XRCC5: variants seen among roughly 807,000 people sequenced by gnomAD.
XRCC5 encodes the protein DNA repair protein Ku80.
A neutral mutation model predicts 95.7 loss-of-function variants in XRCC5; 12 were observed. That is an observed-to-expected ratio of 0.13 (90% CI 0.08 to 0.20). The LOEUF is 0.20. Ranked by LOEUF, XRCC5 falls within the 10% of genes least tolerant of loss-of-function variation. The probability of loss-of-function intolerance (pLI) is 1.00; values close to 1 mark genes in which losing one functional copy is unlikely to be tolerated. For missense variants in XRCC5, 595 were observed against 873.9 expected (o/e 0.68, Z 4.02); for synonymous variants, 281 against 290.3 (o/e 0.97, Z 0.33).
chr2:216,113,983 TAA>T (rs41296938), intron 2 of XRCC5, among the ~76,000 whole-genome samples: 2,858 of 152,250 alleles, frequency 0.019, 39 homozygotes, highest in Non-Finnish European at 0.032. Flanking sequence ...CCTCTCTTGA[TAA>T]AAAGAGTAGC....
At chr2:216,149,025 T>C (rs1429192426) in intron 14 of XRCC5, among the ~76,000 whole-genome samples, 1 of 152,232 alleles carries the variant, frequency 6.6e-6, no homozygotes, top group African/African-American at 2.4e-5. Context: ...CAAGCTGGAA[T>C]AATCTATACA....
intron 16 of XRCC5, among the ~76,000 whole-genome samples, chr2:216,179,628 A>T (rs1553577683): frequency 6.6e-6 from 1 of 152,188 alleles, no homozygotes; most frequent in Non-Finnish European, 1.5e-5. Context: ...TTGCAGACAG[A>T]GGGAGCAGCA....
At position 216,177,477 on chromosome 2, in the gene XRCC5, C is replaced by G. The variant is rs371564964; in HGVS notation, c.1835-12748C>G. ...GGCATTTTAGGAAAAATAAACTTAGCTATGTGTGCTGCAAGACTGTATGTG... is the reference window on the plus strand; with the variant it reads ...GGCATTTTAGGAAAAATAAACTTAGGTATGTGTGCTGCAAGACTGTATGTG... On this transcript the variant is annotated intron_variant, in intron 16 of 20. Transcript: ENST00000392132. Among the ~76,000 whole-genome samples, 47 of 152,218 alleles carry G rather than the reference C, an allele frequency of 3.1e-4. 1 individual carries two copies. In the South Asian group the frequency reaches 9.5e-3, roughly 31 times the overall value.
At chr2:216,148,670 G>C (rs1001083541) in intron 14 of XRCC5, among the ~76,000 whole-genome samples, 1 of 152,138 alleles carries the variant, frequency 6.6e-6, no homozygotes, top group African/African-American at 2.4e-5. Flanking sequence ...ATTAGATGTT[G>C]GGGATGTCAA....
intron 14 of XRCC5, chr2:216,156,449 G>T (rs747181237): frequency 7.0e-6 from 5 of 713,706 alleles, no homozygotes; most frequent in Non-Finnish European, 1.3e-5. Flanking sequence ...AGTCTCTATC[G>T]TACAGCACTG....
chr2:216,138,984 G>C (rs1046199251), intron 12 of XRCC5, among the ~76,000 whole-genome samples: 4 of 152,228 alleles, frequency 2.6e-5, no homozygotes, highest in African/African-American at 7.2e-5. Context: ...CCAAGAATCA[G>C]ATGGGTCCCT....
At chr2:216,156,647 C>G (rs1688848330) in intron 14 of XRCC5, 1 of 555,304 alleles carries the variant, frequency 1.8e-6, no homozygotes, top group East Asian at 4.9e-5. Context: ...ATAGTGACCC[C>G]AAATGCAAGA....
intron 16 of XRCC5, among the ~76,000 whole-genome samples, chr2:216,187,822 CT>C (rs1689530909): frequency 3.6e-5 from 1 of 27,842 alleles, no homozygotes; most frequent in Non-Finnish European, 7.7e-5. Context: ...CACACACACA[CT>C]CTCTCTCTCT....
intron 16 of XRCC5, among the ~76,000 whole-genome samples, chr2:216,188,107 G>A (rs1689541686): frequency 6.6e-6 from 1 of 151,940 alleles, no homozygotes; most frequent in African/African-American, 2.4e-5. Context: ...CATGTATGAG[G>A]CCATTTGCTT....
chr2:216,118,909 C>T (rs879002895), intron 4 of XRCC5, 134 bp from the exon 5 acceptor site: 48 of 922,466 alleles, frequency 5.2e-5, no homozygotes, highest in South Asian at 2.6e-4. Context: ...CTTAATTGGA[C>T]TACTAGAATG....
intron 13 of XRCC5, among the ~76,000 whole-genome samples, chr2:216,142,749 T>G (rs1697192930): frequency 6.6e-6 from 1 of 152,208 alleles, no homozygotes; most frequent in Non-Finnish European, 1.5e-5. Context: ...TGTAACTAAC[T>G]TAAGTCCATA....
At chr2:216,187,861 TCCC>T (rs1553579201) in intron 16 of XRCC5, among the ~76,000 whole-genome samples, 2 of 116,236 alleles carry the variant, frequency 1.7e-5, no homozygotes. Context: ...TCTCTCTCTC[TCCC>T]CGTCTCCCTG....
Position 216,141,243 on chromosome 2 carries a change from A to G in XRCC5, c.1400A>G (p.Asp467Gly). 6.2e-7 allele frequency: 1 copy of G among 1,614,204 alleles called. No homozygotes were observed. Among genetic ancestry groups the G allele is most frequent in the South Asian group, 1.1e-5 (1 of 91,088 alleles). ...GACTCCATGAGCTTGGCAAAGAAAG[A>G]TGAGAAGACAGACACCCTTGAAGAC... is the stretch of plus-strand genomic sequence containing the variant. Reference protein sequence around the residue: ...LIDSMSLAKKDEKTDTLEDLF... With the variant: ...LIDSMSLAKKGEKTDTLEDLF... The change falls in exon 13 of 21, where the codon GAT (aspartate) becomes GGT (glycine). Residue 467 changes from aspartate (D) to glycine (G), a missense_variant. By Grantham distance (94) the Asp-to-Gly change is moderately conservative. Around this residue, in one of 2 missense-constraint regions of XRCC5, gnomAD observed 309 missense variants for 382.9 expected, o/e 0.81. Coordinates refer to ENST00000392132, the MANE Select transcript of XRCC5 (RefSeq NM_021141.4).
At chr2:216,133,878 G>T (rs911331727) in intron 10 of XRCC5, among the ~76,000 whole-genome samples, 9 of 152,208 alleles carry the variant, frequency 5.9e-5, no homozygotes, top group African/African-American at 2.2e-4. Flanking sequence ...GCCTGGAGAA[G>T]ACTTGTGTAG....
At chr2:216,143,853 C>T (rs550647587) in intron 13 of XRCC5, among the ~76,000 whole-genome samples, 1 of 150,492 alleles carries the variant, frequency 6.6e-6, no homozygotes, top group East Asian at 1.9e-4. Flanking sequence ...ACTACAGATG[C>T]CCGCCACCAC....
intron 16 of XRCC5, among the ~76,000 whole-genome samples, chr2:216,162,799 C>T (rs988773722): frequency 1.3e-5 from 2 of 152,078 alleles, no homozygotes; most frequent in African/African-American, 4.8e-5. Context: ...AAATTTAATC[C>T]TTCTCAAAAT....
In XRCC5 at chr2:216,109,386, C is replaced by A. The variant is rs761693241; in HGVS notation, c.-51C>A. 5 of 1,612,670 alleles carry A rather than the reference C, an allele frequency of 3.1e-6. No homozygotes were observed. The Admixed American group carries it at 5.0e-5, about 16-fold the overall frequency. On this transcript the variant is annotated 5_prime_UTR_variant, in exon 1 of 21. Transcript: ENST00000392132. ...TGTCCACCGGAAGCGAGTTGCGACA[C>A]GGCAGGTTCCCGCCCGGAAGAAGCG...
intron 14 of XRCC5, among the ~76,000 whole-genome samples, chr2:216,153,057 A>G (rs371712900): frequency 8.5e-5 from 13 of 152,288 alleles, no homozygotes; most frequent in East Asian, 7.7e-4. Flanking sequence ...TCTAATTATT[A>G]TCTTTCCTTC....
intron 2 of XRCC5, among the ~76,000 whole-genome samples, chr2:216,114,874 TA>T (rs1464547190): frequency 6.6e-6 from 1 of 152,208 alleles, no homozygotes; most frequent in African/African-American, 2.4e-5. Flanking sequence ...GCATGACTAG[TA>T]ACCACACTAC....
Sources: allele counts gnomAD v4.1 joint callset (sites outside exome capture counted in the v4.1 genomes callset), GRCh38; gene constraint gnomAD v4.1.1; regional missense constraint gnomAD v4.1.1; transcripts MANE v1.5; gene names NCBI Gene and HGNC (gene_info 2026-07-23, HGNC 2026-07-21).